DAB1: variants seen among roughly 807,000 people sequenced by gnomAD.
DAB1 encodes disabled homolog 1.
A neutral mutation model predicts 64.6 loss-of-function variants in DAB1; 15 were observed. That is an observed-to-expected ratio of 0.23 (90% CI 0.16 to 0.36). The LOEUF is 0.36. Ranked by LOEUF, DAB1 falls within the 10% of genes least tolerant of loss-of-function variation. DAB1 has a pLI of 1.00. For missense variants in DAB1, 596 were observed against 706.7 expected (o/e 0.84, Z 1.78); for synonymous variants, 235 against 251.9 (o/e 0.93, Z 0.64).
At chr1:57,234,726 T>C (rs1301550966) in intron 2 of DAB1, among the ~76,000 whole-genome samples, 1 of 152,122 alleles carries the variant, frequency 6.6e-6, no homozygotes, top group Non-Finnish European at 1.5e-5. Flanking sequence ...CCAGGCTAGC[T>C]CTTACCTGGA....
chr1:58,437,674 G>A (rs186898425), intron 3 of DAB1, among the ~76,000 whole-genome samples: 7 of 152,330 alleles, frequency 4.6e-5, no homozygotes, highest in African/African-American at 1.7e-4. Context: ...CTAGAACAGT[G>A]GCTGACACCT....
At chr1:58,322,256 A>G (rs1254093834) in intron 4 of DAB1, among the ~76,000 whole-genome samples, 1 of 152,246 alleles carries the variant, frequency 6.6e-6, no homozygotes, top group Admixed American at 6.5e-5. Context: ...TAATGAAACT[A>G]AAGAGCTGCT....
At chr1:57,087,262 A>G (rs1001775103) in intron 4 of DAB1, among the ~76,000 whole-genome samples, 21 of 152,232 alleles carry the variant, frequency 1.4e-4, no homozygotes, top group Admixed American at 3.9e-4. Flanking sequence ...TGCATGGGCA[A>G]CTGTAATAGG....
intron 3 of DAB1, among the ~76,000 whole-genome samples, chr1:58,474,618 T>A (rs370508314): frequency 6.6e-6 from 1 of 152,180 alleles, no homozygotes; most frequent in Admixed American, 6.5e-5. Flanking sequence ...GTTAGCTGAT[T>A]GGCTCATTGC....
intron 2 of DAB1, among the ~76,000 whole-genome samples, chr1:57,154,985 T>C (rs1455982706): frequency 6.6e-6 from 1 of 152,222 alleles, no homozygotes; most frequent in Non-Finnish European, 1.5e-5. Context: ...CTGTGGGTTA[T>C]GTCTTTACTT....
intron 9 of DAB1, among the ~76,000 whole-genome samples, chr1:57,056,504 C>CA (rs71051216): frequency 0.36 from 30,987 of 86,548 alleles, 4,761 homozygotes; most frequent in Middle Eastern, 0.51. Context: ...GAGCCTGTCT[C>CA]AAAAAAAAAA....
At chr1:57,106,183 A>C (rs1655122999) in intron 4 of DAB1, among the ~76,000 whole-genome samples, 1 of 152,154 alleles carries the variant, frequency 6.6e-6, no homozygotes, top group Non-Finnish European at 1.5e-5. Context: ...ACGAGATCTT[A>C]AATGGCACAT....
chr1:57,583,433 C>T (rs547225822), intron 7 of DAB1, among the ~76,000 whole-genome samples: 84 of 151,856 alleles, frequency 5.5e-4, no homozygotes, highest in African/African-American at 1.9e-3. Flanking sequence ...ACTACACGCG[C>T]GCGCCAATAT....
chr1:57,068,895 A>G (rs897136308), intron 8 of DAB1, among the ~76,000 whole-genome samples: 2 of 152,208 alleles, frequency 1.3e-5, no homozygotes, highest in African/African-American at 4.8e-5. Flanking sequence ...TGCACAATTA[A>G]AATAAGGGTA....
chr1:57,587,810 A>T (rs933403908), intron 7 of DAB1, among the ~76,000 whole-genome samples: 4 of 152,250 alleles, frequency 2.6e-5, no homozygotes, highest in Admixed American at 2.0e-4. Flanking sequence ...CATTGAACCC[A>T]GGTAAAAAAG....
chr1:57,005,556 A>G (rs1175680383), intron 14 of DAB1, among the ~76,000 whole-genome samples: 2 of 152,190 alleles, frequency 1.3e-5, no homozygotes, highest in Non-Finnish European at 2.9e-5. Context: ...ACTTTGGGCA[A>G]GTTAGATGGT....
intron 7 of DAB1, among the ~76,000 whole-genome samples, chr1:57,509,272 T>C (rs1412365119): frequency 6.6e-6 from 1 of 152,144 alleles, no homozygotes; most frequent in East Asian, 1.9e-4. Context: ...TTCCTCTCTT[T>C]ATTTTCTTAA....
At position 58,329,355 on chromosome 1, in the gene DAB1, T is replaced by G. The variant is rs1469319269; in HGVS notation, n.309+13997A>C. On this transcript the variant is annotated intron_variant and non_coding_transcript_variant, in intron 4 of 20. Coordinates refer to the DAB1 transcript ENST00000485760. ...GATTTTATTATTTGAATAGTTCATTTACAACATCATTTCCAGGGCAGATAG... is the reference window on the plus strand; with the variant it reads ...GATTTTATTATTTGAATAGTTCATTGACAACATCATTTCCAGGGCAGATAG... Among the ~76,000 whole-genome samples the G allele has an allele frequency of 2.0e-5, 3 of 152,238 alleles. No individual in the cohort carries two copies. In the East Asian group the frequency reaches 5.8e-4, roughly 29 times the overall value.
intron 1 of DAB1, among the ~76,000 whole-genome samples, chr1:57,360,761 G>A (rs1679482848): frequency 6.6e-6 from 1 of 152,170 alleles, no homozygotes; most frequent in African/African-American, 2.4e-5. Context: ...TGTAAGTCAT[G>A]ATAGTGGACA....
chr1:57,359,689 A>G (rs1679393018), intron 1 of DAB1, among the ~76,000 whole-genome samples: 1 of 152,078 alleles, frequency 6.6e-6, no homozygotes, highest in African/African-American at 2.4e-5. Context: ...AGACAACCTA[A>G]GTGTCCATCA....
At chr1:58,370,422 C>A in intron 3 of DAB1, among the ~76,000 whole-genome samples, 2 of 144,082 alleles carry the variant, frequency 1.4e-5, no homozygotes, top group Non-Finnish European at 3.0e-5. Context: ...TGTGTGTATG[C>A]TAAGGCATTT....
chr1:58,118,493 TATATATATATACAC>T (rs1344632220), intron 5 of DAB1, among the ~76,000 whole-genome samples: 10 of 83,966 alleles, frequency 1.2e-4, no homozygotes, highest in African/African-American at 5.2e-4. Flanking sequence ...TATATATATA[TATATATATATACAC>T]ACACACACAC....
At chr1:57,236,021 A>G (rs1365010986) in intron 2 of DAB1, among the ~76,000 whole-genome samples, 1 of 152,190 alleles carries the variant, frequency 6.6e-6, no homozygotes, top group African/African-American at 2.4e-5. Context: ...GTACCCTGAT[A>G]TCTAGTTTAA....
chr1:57,290,113 T>C (rs1276516177), intron 2 of DAB1, among the ~76,000 whole-genome samples: 1 of 152,108 alleles, frequency 6.6e-6, no homozygotes, highest in Non-Finnish European at 1.5e-5. Context: ...ACATTTTTAA[T>C]AAAGCAAAAC....
Sources: allele counts gnomAD v4.1 joint callset (sites outside exome capture counted in the v4.1 genomes callset), GRCh38; gene constraint gnomAD v4.1.1; transcripts MANE v1.5; gene names NCBI Gene and HGNC (gene_info 2026-07-23, HGNC 2026-07-21).